STPG2: variants seen among roughly 807,000 people sequenced by gnomAD.
STPG2 encodes sperm tail PG-rich repeat containing 2, also known as sperm-tail PG-rich repeat-containing protein 2.
STPG2 carries 56 observed loss-of-function variants against 54.2 expected under a neutral mutation model. That is an observed-to-expected ratio of 1.03 (90% CI 0.83 to 1.29). The LOEUF (loss-of-function observed/expected upper bound fraction) is 1.29. Ranked by LOEUF, STPG2 falls within the 50% of genes most tolerant of loss-of-function variation. The probability of loss-of-function intolerance (pLI) is 0.00; values close to 1 mark genes in which losing one functional copy is unlikely to be tolerated. For missense variants in STPG2, 596 were observed against 544.9 expected, an observed-to-expected ratio of 1.09 and a Z score of -0.93; for synonymous variants, 200 against 181.8, an observed-to-expected ratio of 1.10 and a Z score of -0.81.
chr4:97,615,766 T>G (rs1011103892), intron 10 of STPG2, among the ~76,000 whole-genome samples: 1 of 151,686 alleles, frequency 6.6e-6, no homozygotes, highest in East Asian at 1.9e-4. Context: ...AAATAAAAGA[T>G]AGTGGCTCAC....
At chr4:97,769,476 G>A (rs1726160099) in intron 9 of STPG2, among the ~76,000 whole-genome samples, 1 of 152,034 alleles carries the variant, frequency 6.6e-6, no homozygotes, top group East Asian at 1.9e-4. Context: ...AGTTTGTTAT[G>A]TAGTAAAAGT....
At chr4:98,011,661 C>A (rs899978871) in intron 5 of STPG2, among the ~76,000 whole-genome samples, 2 of 152,082 alleles carry the variant, frequency 1.3e-5, no homozygotes, top group African/African-American at 4.8e-5. Context: ...TTCTGACTGG[C>A]ATAAGATGGT....
At chr4:97,765,513 C>T (rs1490588527) in intron 9 of STPG2, among the ~76,000 whole-genome samples, 1 of 152,062 alleles carries the variant, frequency 6.6e-6, no homozygotes, top group Non-Finnish European at 1.5e-5. Flanking sequence ...TATGCCCTTC[C>T]TCAACAAATT....
At chr4:97,592,452 T>C (rs556921619) in intron 10 of STPG2, among the ~76,000 whole-genome samples, 1 of 152,306 alleles carries the variant, frequency 6.6e-6, no homozygotes, top group East Asian at 1.9e-4. Context: ...AGCCTACTTT[T>C]ATTATGAAAA....
Position 97,930,699 on chromosome 4 carries a change from T to A in STPG2, c.1044+13198A>T, listed in dbSNP as rs541102226. On this transcript the variant is annotated intron_variant, in intron 8 of 10. Transcript: ENST00000295268. ...TCCATATGACTTTTTAAAGGTTTTT[T>A]TCTAGTTCAGTGAAGAATGTCACTG... Among the ~76,000 whole-genome samples, 7 of 152,342 alleles carry A rather than the reference T, an allele frequency of 4.6e-5. No homozygotes were observed. The South Asian group carries it at 1.4e-3, about 32-fold the overall frequency.
chr4:97,668,233 T>C (rs191786549), intron 10 of STPG2, among the ~76,000 whole-genome samples: 5 of 152,190 alleles, frequency 3.3e-5, no homozygotes, highest in East Asian at 1.9e-4. Flanking sequence ...TAAAGGAAGA[T>C]AGGCACAGAG....
chr4:97,612,790 C>T (rs1029904717), intron 10 of STPG2, among the ~76,000 whole-genome samples: 1 of 151,794 alleles, frequency 6.6e-6, no homozygotes, highest in African/African-American at 2.4e-5. Flanking sequence ...TACTTAACTA[C>T]ACTACAGCAT....
chr4:97,796,382 G>T (rs1466644639), intron 9 of STPG2, among the ~76,000 whole-genome samples: 1 of 152,150 alleles, frequency 6.6e-6, no homozygotes. Flanking sequence ...TTTTTATAAG[G>T]TGTAAGGAAG....
At chr4:97,963,652 G>C (rs1733980843) in intron 7 of STPG2, among the ~76,000 whole-genome samples, 1 of 151,356 alleles carries the variant, frequency 6.6e-6, no homozygotes. Context: ...GACCCTATTT[G>C]AAATACATAT....
At chr4:97,986,766 A>G (rs1449967883) in intron 5 of STPG2, among the ~76,000 whole-genome samples, 3 of 152,148 alleles carry the variant, frequency 2.0e-5, no homozygotes, top group Non-Finnish European at 2.9e-5. Flanking sequence ...GACCATGTCT[A>G]TTTCCAATTT....
At chr4:97,598,370 T>C (rs1733356396) in intron 10 of STPG2, among the ~76,000 whole-genome samples, 1 of 143,004 alleles carries the variant, frequency 7.0e-6, no homozygotes, top group South Asian at 2.1e-4. Context: ...TTCACGGAAT[T>C]AGAAAAAAAA....
At chr4:97,618,710 C>T (rs1733932890) in intron 10 of STPG2, among the ~76,000 whole-genome samples, 1 of 152,192 alleles carries the variant, frequency 6.6e-6, no homozygotes, top group Admixed American at 6.5e-5. Context: ...ACTTCTCATT[C>T]ACTACAAGGA....
chr4:97,638,187 C>A (rs1721627255), intron 10 of STPG2, among the ~76,000 whole-genome samples: 1 of 152,110 alleles, frequency 6.6e-6, no homozygotes, highest in African/African-American at 2.4e-5. Context: ...AGAAATAACA[C>A]TGCATATCTA....
chr4:98,078,508 T>C (rs1020537805), intron 5 of STPG2, among the ~76,000 whole-genome samples: 1 of 151,770 alleles, frequency 6.6e-6, no homozygotes, highest in Non-Finnish European at 1.5e-5. Flanking sequence ...GTTTTAAGTA[T>C]ATACAAGTGG....
intron 8 of STPG2, among the ~76,000 whole-genome samples, chr4:97,887,878 T>C (rs1350906708): frequency 6.6e-6 from 1 of 152,202 alleles, no homozygotes; most frequent in African/African-American, 2.4e-5. Context: ...CCCACTGCCC[T>C]GTGCAGCCTT....
chr4:97,542,017 C>G (rs1248117025), intron 4 of STPG2, among the ~76,000 whole-genome samples: 1 of 151,976 alleles, frequency 6.6e-6, no homozygotes, highest in East Asian at 1.9e-4. Flanking sequence ...CCATAAAAAC[C>G]CTAGAAGAAA....
At chr4:97,780,794 A>G (rs1726573059) in intron 9 of STPG2, among the ~76,000 whole-genome samples, 1 of 152,114 alleles carries the variant, frequency 6.6e-6, no homozygotes. Flanking sequence ...AAACTGCTCA[A>G]CTACATGGAA....
intron 1 of STPG2, among the ~76,000 whole-genome samples, chr4:98,136,378 T>C (rs1740135857): frequency 6.6e-6 from 1 of 151,646 alleles, no homozygotes; most frequent in Non-Finnish European, 1.5e-5. Flanking sequence ...ATAGATTAGT[T>C]TAGCTTAACA....
chr4:97,449,711 T>C (rs1268538826), intron 4 of STPG2, among the ~76,000 whole-genome samples: 1 of 152,180 alleles, frequency 6.6e-6, no homozygotes, highest in Non-Finnish European at 1.5e-5. Flanking sequence ...GATGCATAGT[T>C]AGTAAGTACA....
Sources: allele counts gnomAD v4.1 joint callset (sites outside exome capture counted in the v4.1 genomes callset), GRCh38; gene constraint gnomAD v4.1.1; transcripts MANE v1.5; gene names NCBI Gene and HGNC (gene_info 2026-07-23, HGNC 2026-07-21).